The following SAP130 variants were observed in gnomAD, a reference collection of about 807,000 sequenced individuals.
The protein encoded by SAP130 is histone deacetylase complex subunit SAP130.
In SAP130, 16 loss-of-function variants were observed where a neutral mutation model predicts 103.2. The ratio of observed to expected loss-of-function variants is 0.16; its 90% CI spans 0.10 to 0.24. SAP130 has a LOEUF of 0.24. SAP130 is among the 10% of genes least tolerant of loss of function. The probability of loss-of-function intolerance (pLI) is 1.00; values close to 1 mark genes in which losing one functional copy is unlikely to be tolerated. For synonymous variants in SAP130, 477 were observed against 497.0 expected, an observed-to-expected ratio of 0.96 and a Z score of 0.53; for missense variants, 990 against 1,359.7, an observed-to-expected ratio of 0.73 and a Z score of 4.28.
chr2:128,008,966 T>A (rs1270585007), intron 7 of SAP130, among the ~76,000 whole-genome samples: 1 of 152,150 alleles, frequency 6.6e-6, no homozygotes, highest in Non-Finnish European at 1.5e-5. Context: ...ATTACATGCA[T>A]GAGCCATTAT....
At chr2:128,004,344 G>T (rs1683805869) in intron 7 of SAP130, among the ~76,000 whole-genome samples, 1 of 148,886 alleles carries the variant, frequency 6.7e-6, no homozygotes. Flanking sequence ...CCAGTGAAAG[G>T]AGGATTGCTT....
chr2:127,953,919 G>T lies in SAP130; in HGVS notation c.2422+1067C>A, dbSNP rs1220776604. 2.0e-5 allele frequency among the ~76,000 whole-genome samples: 3 copies of T among 151,852 alleles called. No homozygotes were observed. Among genetic ancestry groups the T allele is most frequent in the Non-Finnish European group, 4.4e-5 (3 of 67,976 alleles). ...ACATATATAATTTAGTCATCTTTTT[G>T]CTTTTGTCTCCCTTGCTAGAATGTA... is the stretch of plus-strand genomic sequence containing the variant. On this transcript the variant is annotated intron_variant, in intron 16 of 20. Coordinates refer to ENST00000643581, the MANE Select transcript of SAP130 (RefSeq NM_001330301.2). This position sits in a 1 kb window ranked among gnomAD's most constrained non-coding sequence, Gnocchi z 4.0.
chr2:127,973,107 C>G (rs1681204729), intron 15 of SAP130, among the ~76,000 whole-genome samples: 1 of 152,116 alleles, frequency 6.6e-6, no homozygotes, highest in African/African-American at 2.4e-5. Flanking sequence ...GTCCTTGCAC[C>G]ACTTCTGTTC....
At chr2:127,973,738 T>C (rs926038118) in intron 15 of SAP130, among the ~76,000 whole-genome samples, 4 of 152,138 alleles carry the variant, frequency 2.6e-5, no homozygotes, top group Non-Finnish European at 5.9e-5. Context: ...TCAGAAAATT[T>C]TGTCAGCTGT....
intron 7 of SAP130, among the ~76,000 whole-genome samples, chr2:128,005,320 C>T (rs1022493866): frequency 2.0e-5 from 3 of 152,110 alleles, no homozygotes; most frequent in Non-Finnish European, 4.4e-5. Context: ...AAAAAAATTA[C>T]ATAGGAGTGC....
At chr2:127,995,268 ACAG>A (rs1683095439) in intron 11 of SAP130, among the ~76,000 whole-genome samples, 1 of 152,228 alleles carries the variant, frequency 6.6e-6, no homozygotes, top group Non-Finnish European at 1.5e-5. Flanking sequence ...CCTTGGAGAA[ACAG>A]CAGATTTCAC....
At position 127,996,421 on chromosome 2, in the gene SAP130, A is replaced by G. The variant is rs374338478; in HGVS notation, c.1284T>C (p.Ser428=). Residue 428 remains serine (S), a synonymous_variant, in exon 11 of 21, where the codon AGT becomes AGC. Coordinates refer to ENST00000643581, the MANE Select transcript of SAP130 (RefSeq NM_001330301.2). The surrounding 1 kb of genome is among the most constrained non-coding windows in gnomAD (Gnocchi z 4.3). ...GATGTCCGGAGATGGGAATCAGGCT[A>G]CTCCTCTCGGCAGGGTAGTCTGGCT... ...RIQPDYPAER[S]SLIPISGHRA... 1.2e-5 allele frequency: 20 copies of G among 1,610,052 alleles called. No individual in the cohort carries two copies. Among genetic ancestry groups the G allele is most frequent in the East Asian group, 2.2e-5 (1 of 44,520 alleles).
intron 2 of SAP130, among the ~76,000 whole-genome samples, chr2:128,021,807 T>C (rs1685181412): frequency 6.6e-6 from 1 of 152,178 alleles, no homozygotes; most frequent in South Asian, 2.1e-4. Context: ...GCCATTCTAG[T>C]GGGTTGTAGT....
At chr2:128,016,815 C>G (rs911562441) in intron 3 of SAP130, among the ~76,000 whole-genome samples, 1 of 152,210 alleles carries the variant, frequency 6.6e-6, no homozygotes, top group African/African-American at 2.4e-5. Context: ...AAGCCCAGAG[C>G]TGTATGGCTC....
In SAP130 at chr2:128,013,091, T is replaced by G. The variant is rs199943392; in HGVS notation, c.683A>C (p.Gln228Pro). 6.2e-7 allele frequency: 1 copy of G among 1,613,588 alleles called. No homozygotes were observed. ...CTGAGCAGTAGCAGCATTTGGCAGCTGTGAGGTCGGCCTCAGGACTGTGGT... is the reference window on the plus strand; with the variant it reads ...CTGAGCAGTAGCAGCATTTGGCAGCGGTGAGGTCGGCCTCAGGACTGTGGT... ...KVTTVLRPTSQLPNAATAQPA... is the reference protein window; with the variant it reads ...KVTTVLRPTSPLPNAATAQPA... The change falls in exon 6 of 21, where the codon CAG becomes CCG. Residue 228 changes from glutamine (Q) to proline (P), a missense_variant. Gln to Pro is a moderately conservative substitution (Grantham distance 76). Transcript: ENST00000643581.
intron 2 of SAP130, among the ~76,000 whole-genome samples, chr2:128,020,724 C>G (rs1302626332): frequency 1.3e-5 from 2 of 152,120 alleles, no homozygotes; most frequent in Non-Finnish European, 2.9e-5. Flanking sequence ...TGGGGCCGGG[C>G]ACAGTGGCTC....
At chr2:127,974,232 C>T (rs1298681550) in intron 15 of SAP130, among the ~76,000 whole-genome samples, 1 of 152,168 alleles carries the variant, frequency 6.6e-6, no homozygotes, top group African/African-American at 2.4e-5. Flanking sequence ...CACTCCTATG[C>T]CTTAACCCTC....
At chr2:128,010,702 A>T (rs2105165187) in intron 6 of SAP130, among the ~76,000 whole-genome samples, 1 of 152,164 alleles carries the variant, frequency 6.6e-6, no homozygotes, top group African/African-American at 2.4e-5. Context: ...CTTGACTAAA[A>T]ATACAAAAAA....
intron 14 of SAP130, 42 bp from the exon 15 acceptor site, chr2:127,978,131 G>T: frequency 1.4e-6 from 2 of 1,430,514 alleles, no homozygotes; most frequent in Non-Finnish European, 1.9e-6. Flanking sequence ...AGCAGTCCAA[G>T]GGCATTCAAG....
At chr2:127,974,870 G>A (rs761123289) in intron 15 of SAP130, among the ~76,000 whole-genome samples, 5 of 152,166 alleles carry the variant, frequency 3.3e-5, no homozygotes, top group Non-Finnish European at 5.9e-5. Context: ...GTACCACTGT[G>A]TTACCACTGC....
chr2:128,003,957 CTT>C (rs61211577), intron 7 of SAP130, among the ~76,000 whole-genome samples: 70 of 67,864 alleles, frequency 1.0e-3, no homozygotes, highest in East Asian at 3.1e-3. Flanking sequence ...CACAGATCAG[CTT>C]TTTTTTTTTT....
At chr2:127,943,232 G>C (rs1200011139) in intron 19 of SAP130, among the ~76,000 whole-genome samples, 3 of 152,110 alleles carry the variant, frequency 2.0e-5, no homozygotes, top group African/African-American at 7.2e-5. Context: ...ATGTTCTTCA[G>C]GTCACTGCTA....
At position 127,955,456 on chromosome 2, in the gene SAP130, A is replaced by G; in HGVS notation, c.2064-112T>C. On this transcript the variant is annotated intron_variant, in intron 15 of 20. Transcript: ENST00000643581. This position sits in a 1 kb window ranked among gnomAD's most constrained non-coding sequence, Gnocchi z 4.9. ...TTATTTCTGTCCAGCACACTGCACA[A>G]TTTATACTCTATTTCCTTTTTTTAA... The G allele has an allele frequency of 1.6e-6, 1 of 629,748 alleles. No individual in the cohort carries two copies. Among genetic ancestry groups the G allele is most frequent in the Non-Finnish European group, 2.6e-6 (1 of 384,894 alleles). 39.0% of individuals were successfully genotyped at this position (629,748 alleles called of 1,614,324 possible).
chr2:128,016,671 C>T lies in SAP130; in HGVS notation c.349-124G>A, dbSNP rs1573843734. 3 of 1,005,574 alleles carry T rather than the reference C, an allele frequency of 3.0e-6. No homozygotes were observed. The East Asian group carries it at 7.8e-5, about 26-fold the overall frequency. 62.3% of individuals were successfully genotyped at this position (1,005,574 alleles called of 1,614,324 possible). A position where few individuals can be genotyped will look rare whatever the true frequency, so the allele number is the denominator to read the frequency against. On this transcript the variant is annotated intron_variant, in intron 3 of 20. Transcript: ENST00000643581. The stretch of plus-strand genomic sequence containing the variant: ...CAGGAAAGATGCCGTAAGCTTTATA[C>T]ATTTTATCTATTATCATCACAGTGT...
Sources: gnomAD v4.1 joint callset for allele counts (sites outside exome capture counted in the v4.1 genomes callset) on GRCh38, gnomAD v4.1.1 for gene constraint, Gnocchi (gnomAD v3.1) non-coding constraint, MANE v1.5 for transcripts, NCBI Gene and HGNC (gene_info 2026-07-23, HGNC 2026-07-21) for gene names.